TENM3: variants seen among roughly 807,000 people sequenced by gnomAD.
TENM3 encodes the protein teneurin-3.
TENM3 carries 63 observed loss-of-function variants against 255.1 expected under a neutral mutation model. The ratio of observed to expected loss-of-function variants is 0.25; its 90% CI spans 0.20 to 0.30. The LOEUF is 0.30. TENM3 is among the 10% of genes least tolerant of loss of function. The pLI, the probability that TENM3 is intolerant of heterozygous loss-of-function variation, is 1.00. For missense variants in TENM3, 2,929 were observed against 3,461.1 expected, an observed-to-expected ratio of 0.85 and a Z score of 3.86; for synonymous variants, 1,306 against 1,322.3, an observed-to-expected ratio of 0.99 and a Z score of 0.27.
chr4:182,760,816 A>G (rs1399208257), intron 22 of TENM3, among the ~76,000 whole-genome samples: 4 of 152,182 alleles, frequency 2.6e-5, no homozygotes, highest in Non-Finnish European at 5.9e-5. Context: ...ACTCCCACTG[A>G]CATCAGTTCT....
At chr4:181,925,352 C>G in the TENM3 span, among the ~76,000 whole-genome samples, 1 of 152,168 alleles carries the variant, frequency 6.6e-6, no homozygotes, top group Non-Finnish European at 1.5e-5. Context: ...TTCATAACTA[C>G]TTAATTAAAG....
intron 24 of TENM3, among the ~76,000 whole-genome samples, chr4:182,784,125 G>A (rs897056989): frequency 6.6e-6 from 1 of 152,314 alleles, no homozygotes; most frequent in Non-Finnish European, 1.5e-5. Context: ...AGGAGGAGAG[G>A]CGCTCTGCTT....
At chr4:181,616,636 C>G in the TENM3 span, among the ~76,000 whole-genome samples, 7 of 151,942 alleles carry the variant, frequency 4.6e-5, no homozygotes, top group African/African-American at 1.5e-4. Flanking sequence ...GCTGGAGAAC[C>G]AGGGCATCCA....
chr4:182,203,007 G>A (rs1041033699), intron 1 of TENM3, among the ~76,000 whole-genome samples: 10 of 152,072 alleles, frequency 6.6e-5, no homozygotes, highest in African/African-American at 2.2e-4. Context: ...CCTGAGGTCA[G>A]GAGTTCGAGA....
chr4:182,140,344 G>A (rs1324244933), upstream of TENM3, among the ~76,000 whole-genome samples: 1 of 152,076 alleles, frequency 6.6e-6, no homozygotes, highest in Non-Finnish European at 1.5e-5. Context: ...CTCCTTTTGG[G>A]CATATGTGGG....
the TENM3 span, among the ~76,000 whole-genome samples, chr4:181,778,335 TA>T: frequency 1.3e-5 from 2 of 152,280 alleles, no homozygotes; most frequent in South Asian, 4.1e-4. Flanking sequence ...GCACTTGTAT[TA>T]GTATTAGTAT....
At chr4:182,211,624 C>G (rs1486102756) in intron 1 of TENM3, among the ~76,000 whole-genome samples, 1 of 152,160 alleles carries the variant, frequency 6.6e-6, no homozygotes, top group East Asian at 1.9e-4. Context: ...ATCAATTCAG[C>G]TTATTTTTCA....
the TENM3 span, among the ~76,000 whole-genome samples, chr4:181,706,841 C>G: frequency 1.1e-3 from 172 of 152,294 alleles, no homozygotes; most frequent in African/African-American, 3.9e-3. Context: ...GCGGGGCCGT[C>G]TTAAGTGTTC....
chr4:182,047,425 G>A, the TENM3 span, among the ~76,000 whole-genome samples: 20 of 152,000 alleles, frequency 1.3e-4, no homozygotes, highest in African/African-American at 4.8e-4. Flanking sequence ...AGCGGGGCGT[G>A]GTGGTGCACA....
the TENM3 span, among the ~76,000 whole-genome samples, chr4:181,872,916 T>G: frequency 6.6e-6 from 1 of 152,190 alleles, no homozygotes; most frequent in African/African-American, 2.4e-5. Flanking sequence ...TTTGTTGATT[T>G]TCTTTATTTT....
At chr4:182,277,975 G>A (rs1332676161) in intron 1 of TENM3, among the ~76,000 whole-genome samples, 1 of 152,202 alleles carries the variant, frequency 6.6e-6, no homozygotes, top group Non-Finnish European at 1.5e-5. Context: ...CCCTGTTACA[G>A]GAATCCTCCA....
intron 3 of TENM3, among the ~76,000 whole-genome samples, chr4:182,437,966 A>G (rs1772169892): frequency 6.6e-6 from 1 of 152,152 alleles, no homozygotes; most frequent in African/African-American, 2.4e-5. Context: ...AAATAAATAA[A>G]TAAATAAAGC....
At chr4:181,629,547 G>C in the TENM3 span, among the ~76,000 whole-genome samples, 2 of 152,148 alleles carry the variant, frequency 1.3e-5, no homozygotes, top group African/African-American at 4.8e-5. Context: ...TAGCATGAAG[G>C]GCTGTTGAAT....
intron 1 of TENM3, among the ~76,000 whole-genome samples, chr4:182,185,330 G>A (rs1042890433): frequency 1.3e-5 from 2 of 152,180 alleles, no homozygotes; most frequent in Admixed American, 6.5e-5. Flanking sequence ...TAAATAGAGC[G>A]TTCTTTTCAA....
chr4:182,673,510 C>T (rs1755398371), intron 7 of TENM3, among the ~76,000 whole-genome samples: 1 of 152,108 alleles, frequency 6.6e-6, no homozygotes, highest in Admixed American at 6.5e-5. Context: ...ATGGATTTTC[C>T]AAGTGTTTTA....
At chr4:181,586,539 C>A in the TENM3 span, among the ~76,000 whole-genome samples, 4 of 152,032 alleles carry the variant, frequency 2.6e-5, no homozygotes, top group Non-Finnish European at 5.9e-5. Flanking sequence ...TGGTGGAGTT[C>A]CCTTAAAAAC....
the TENM3 span, among the ~76,000 whole-genome samples, chr4:181,953,612 C>T: frequency 3.8e-4 from 58 of 151,770 alleles, no homozygotes; most frequent in Middle Eastern, 0.01. Context: ...ACCCAGGAGG[C>T]GAGGTTGCAG....
At chr4:182,457,558 C>CTTTTTTTTTTTTT (rs768197836) in intron 3 of TENM3, among the ~76,000 whole-genome samples, 3 of 115,226 alleles carry the variant, frequency 2.6e-5, no homozygotes, top group Non-Finnish European at 3.4e-5. Context: ...TCATGTATAT[C>CTTTTTTTTTTTTT]TTTTTTTTTT....
upstream of TENM3, among the ~76,000 whole-genome samples, chr4:182,242,329 A>G (rs570174160): frequency 1.3e-5 from 2 of 151,812 alleles, no homozygotes; most frequent in South Asian, 4.2e-4. Context: ...TTTCCTTGCA[A>G]TAGTTTGCTG....
Sources: gnomAD v4.1 joint callset for allele counts (sites outside exome capture counted in the v4.1 genomes callset) on GRCh38, gnomAD v4.1.1 for gene constraint, MANE v1.5 for transcripts, NCBI Gene and HGNC (gene_info 2026-07-23, HGNC 2026-07-21) for gene names.